The following CELSR1 variants were observed in gnomAD, a reference collection of about 807,000 sequenced individuals.
The protein encoded by CELSR1 is adhesion G protein-coupled receptor C1.
In CELSR1, 110 loss-of-function variants were observed where a neutral mutation model predicts 249.1. That is an observed-to-expected ratio of 0.44 (90% confidence interval 0.38 to 0.52). CELSR1 has a LOEUF of 0.52. CELSR1 is among the 20% of genes least tolerant of loss of function. The pLI, the probability that CELSR1 is intolerant of heterozygous loss-of-function variation, is 0.00. For synonymous variants in CELSR1, 2,113 were observed against 1,900.0 expected, an observed-to-expected ratio of 1.11 and a Z score of -2.92; for missense variants, 4,109 against 4,296.4, an observed-to-expected ratio of 0.96 and a Z score of 1.22.
chr22:46,391,056 A>C lies in CELSR1; in HGVS notation c.6250+130T>G, dbSNP rs141891182. ...TTCCTGGTAGGGAAAAGGCGATCGG[A>C]TTTCTCCCCAGCACTTTGCCTGCGG... On this transcript the variant is annotated intron_variant, in intron 16 of 34. Coordinates refer to ENST00000674500, the MANE Select transcript of CELSR1 (RefSeq NM_001378328.1). This position sits in a 1 kb window ranked among gnomAD's most constrained non-coding sequence, Gnocchi z 4.3. 262 of 723,148 alleles carry C rather than the reference A, an allele frequency of 3.6e-4. 2 individuals are homozygous for C. The African/African-American group carries it at 4.2e-3, about 12-fold the overall frequency. The allele number at this position is 723,148 out of a possible 1,614,324, so 44.8% of individuals were successfully genotyped here.
At chr22:46,481,394 C>A (rs116231178) in intron 1 of CELSR1, 13 of 1,122,702 alleles carry the variant, frequency 1.2e-5, no homozygotes, top group Middle Eastern at 4.0e-4. Flanking sequence ...TGCATGTGGT[C>A]ATCCACACAC....
intron 2 of CELSR1, among the ~76,000 whole-genome samples, chr22:46,456,661 TAAAAAAAA>T (rs556357746): frequency 1.1e-3 from 68 of 60,278 alleles, no homozygotes; most frequent in African/African-American, 3.3e-3. Flanking sequence ...AGACTCTGTC[TAAAAAAAA>T]AAAAAAAAAA....
At chr22:46,375,873 C>A (rs2147201004) in intron 24 of CELSR1, among the ~76,000 whole-genome samples, 1 of 152,308 alleles carries the variant, frequency 6.6e-6, no homozygotes, top group Non-Finnish European at 1.5e-5. Flanking sequence ...TGCCTGTAGA[C>A]TATTTTAGAT....
rs889660324 is a variant in CELSR1, at chr22:46,427,468, C to G, written c.4611+5925G>C. 6.6e-6 allele frequency among the ~76,000 whole-genome samples: 1 copy of G among 152,194 alleles called. No homozygotes were observed. Among genetic ancestry groups the G allele is most frequent in the African/African-American group, 2.4e-5 (1 of 41,434 alleles). ...AGGAGAATTGCTTGAACCTGGGAGG[C>G]AGAGGTTGCAGTGAGCCAAGACAGC... On this transcript the variant is annotated intron_variant, in intron 5 of 34. Coordinates refer to ENST00000674500, the MANE Select transcript of CELSR1 (RefSeq NM_001378328.1). This position sits in a 1 kb window ranked among gnomAD's most constrained non-coding sequence, Gnocchi z 4.2.
Position 46,447,519 on chromosome 22 carries a change from A to G in CELSR1, c.4184-8108T>C, listed in dbSNP as rs1286646892. Among the ~76,000 whole-genome samples, 2 of 152,176 alleles carry G rather than the reference A, an allele frequency of 1.3e-5. No homozygotes were observed. The highest frequency in any genetic ancestry group is 3.9e-4 in the East Asian group (2 of 5,180). ...CAGCCTCGCCTCCCACACCAAGGAT[A>G]GAGTCCACCTGGGCAAACCTATTGC... On this transcript the variant is annotated intron_variant, in intron 2 of 34. Coordinates refer to ENST00000674500, the MANE Select transcript of CELSR1 (RefSeq NM_001378328.1). This position sits in a 1 kb window ranked among gnomAD's most constrained non-coding sequence, Gnocchi z 4.7.
Position 46,391,389 on chromosome 22 carries a change from TC to T in CELSR1, c.6149-103del. ...TGCGCCTCCCTGCAGGAGGCCCTGCTCCCACCAAGAACCGAACCCTAGCATC... is the reference window on the plus strand; with the variant it reads ...TGCGCCTCCCTGCAGGAGGCCCTGCTCCACCAAGAACCGAACCCTAGCATC... On this transcript the variant is annotated intron_variant, in intron 15 of 34. Transcript: ENST00000674500. This position sits in a 1 kb window ranked among gnomAD's most constrained non-coding sequence, Gnocchi z 4.3. 9.2e-7 allele frequency: 1 copy of T among 1,091,694 alleles called. No individual in the cohort carries two copies. Among genetic ancestry groups the T allele is most frequent in the Non-Finnish European group, 1.3e-6 (1 of 759,396 alleles). 67.6% of individuals were successfully genotyped at this position (1,091,694 alleles called of 1,614,324 possible).
chr22:46,472,337 G>A lies in CELSR1; in HGVS notation c.3545-7992C>T, dbSNP rs1216446591. On this transcript the variant is annotated intron_variant, in intron 1 of 34. Transcript: ENST00000674500. The surrounding 1 kb of genome is among the most constrained non-coding windows in gnomAD (Gnocchi z 7.0). ...GTTATCTGCAATTGTGTTCCCCATG[G>A]TGGGCTCATGCTGTGGGGCAGTGGG... Among the ~76,000 whole-genome samples the A allele has an allele frequency of 6.6e-6, 1 of 152,196 alleles. No homozygotes were observed. The highest frequency in any genetic ancestry group is 2.4e-5 in the African/African-American group (1 of 41,458).
chr22:46,469,864 C>G (rs1356536470), intron 1 of CELSR1, among the ~76,000 whole-genome samples: 1 of 138,096 alleles, frequency 7.2e-6, no homozygotes, highest in South Asian at 2.5e-4. Context: ...CCCCATGAGT[C>G]CCTGAGGACC....
chr22:46,482,947 G>A (rs1328019678), intron 1 of CELSR1, among the ~76,000 whole-genome samples: 1 of 152,186 alleles, frequency 6.6e-6, no homozygotes, highest in Non-Finnish European at 1.5e-5. Context: ...AGGTCCACAC[G>A]CACACACAAC....
In CELSR1 at chr22:46,437,837, AAAG is replaced by A. The variant is rs887321287; in HGVS notation, c.4406+1349_4406+1351del. Among the ~76,000 whole-genome samples the A allele has an allele frequency of 3.3e-5, 5 of 152,178 alleles. No homozygotes were observed. The highest frequency in any genetic ancestry group is 9.7e-5 in the African/African-American group (4 of 41,444). ...GCAAGCAAGAAATGACGACAAACAC[AAAG>A]AAGAATACCCACACAGCACACTGAT... On this transcript the variant is annotated intron_variant, in intron 3 of 34. Coordinates refer to ENST00000674500, the MANE Select transcript of CELSR1 (RefSeq NM_001378328.1). The surrounding 1 kb of genome is among the most constrained non-coding windows in gnomAD (Gnocchi z 4.9).
At position 46,533,807 on chromosome 22, in the gene CELSR1, C is replaced by T. The variant is rs200363699; in HGVS notation, c.3364G>A (p.Gly1122Ser). 12 of 1,613,776 alleles carry T rather than the reference C, an allele frequency of 7.4e-6. No homozygotes were observed. Among genetic ancestry groups the T allele is most frequent in the Middle Eastern group, 1.6e-4 (1 of 6,062 alleles). ...TGGGCCGGGATGCAGCCGATCACGC[C>T]GGTGGGGAAACTGTTGGACTTGTTG... ...VTNKSNSFPT[G>S]VIGCIPAHDP... The change falls in exon 1 of 35, where the codon GGC (glycine) becomes AGC (serine). Residue 1122 changes from glycine (G) to serine (S), a missense_variant. Physicochemically the swap from Gly to Ser is moderately conservative, Grantham distance 56. Around this residue, in one of 7 missense-constraint regions of CELSR1, gnomAD observed 886 missense variants for 896.5 expected, o/e 0.99. Transcript: ENST00000674500.
chr22:46,367,314 A>T (rs1489278914), intron 28 of CELSR1, among the ~76,000 whole-genome samples, 196 bp from the exon 29 acceptor site: 1 of 152,196 alleles, frequency 6.6e-6, no homozygotes, highest in African/African-American at 2.4e-5. Context: ...AGAAACTGAG[A>T]TGCCTGGGCC....
At chr22:46,388,318 C>T (rs1160816263) in intron 18 of CELSR1, among the ~76,000 whole-genome samples, 2 of 151,838 alleles carry the variant, frequency 1.3e-5, no homozygotes, top group Non-Finnish European at 2.9e-5. Context: ...CACTGCACTC[C>T]AGCCTGGACA....
intron 1 of CELSR1, among the ~76,000 whole-genome samples, chr22:46,477,177 T>C (rs1030473987): frequency 2.0e-5 from 3 of 152,098 alleles, no homozygotes; most frequent in African/African-American, 7.2e-5. Context: ...TCCCCCACCT[T>C]AAAGATGCTG....
chr22:46,480,293 C>A (rs958689693), intron 1 of CELSR1, among the ~76,000 whole-genome samples: 5 of 152,178 alleles, frequency 3.3e-5, no homozygotes, highest in African/African-American at 9.7e-5. Flanking sequence ...ATGTCTCCCC[C>A]TCACCTCCCA....
intron 1 of CELSR1, among the ~76,000 whole-genome samples, chr22:46,470,112 T>G (rs2080140985): frequency 6.8e-6 from 1 of 146,614 alleles, no homozygotes; most frequent in Non-Finnish European, 1.5e-5. Flanking sequence ...TTTGTGCCTG[T>G]TTGACTTTTT....
chr22:46,389,079 C>A (rs1175287107), intron 18 of CELSR1, among the ~76,000 whole-genome samples: 4 of 152,368 alleles, frequency 2.6e-5, no homozygotes, highest in Admixed American at 6.5e-5. Flanking sequence ...CTGTGACCTG[C>A]ATGTTTCCTT....
intron 1 of CELSR1, among the ~76,000 whole-genome samples, chr22:46,487,532 G>C (rs1300817927): frequency 9.7e-6 from 1 of 102,880 alleles, no homozygotes; most frequent in Non-Finnish European, 1.9e-5. Context: ...TGAGCCCCAC[G>C]GGGGAGGGGA....
chr22:46,408,912 GTGTGCACCA>G lies in CELSR1; in HGVS notation c.5226+75_5226+83del. ...GGAAGGGCGAGTAGCAGGTGCCCGAGTGTGCACCAGGAAGCCCAGCGCCTGGGTCCCTCC... is the reference window on the plus strand; with the variant it reads ...GGAAGGGCGAGTAGCAGGTGCCCGAGGGAAGCCCAGCGCCTGGGTCCCTCC... On this transcript the variant is annotated intron_variant, in intron 9 of 34. Transcript: ENST00000674500. This position sits in a 1 kb window ranked among gnomAD's most constrained non-coding sequence, Gnocchi z 4.6. The G allele has an allele frequency of 8.7e-7, 1 of 1,155,632 alleles. No individual in the cohort carries two copies. The highest frequency in any genetic ancestry group is 1.6e-5 in the African/African-American group (1 of 63,374). 71.6% of individuals were successfully genotyped at this position (1,155,632 alleles called of 1,614,324 possible). A position where few individuals can be genotyped will look rare whatever the true frequency, so the allele number is the denominator to read the frequency against.
Sources: allele counts gnomAD v4.1 joint callset (sites outside exome capture counted in the v4.1 genomes callset), GRCh38; gene constraint gnomAD v4.1.1; regional missense constraint gnomAD v4.1.1; non-coding constraint Gnocchi (gnomAD v3.1); transcripts MANE v1.5; gene names NCBI Gene and HGNC (gene_info 2026-07-23, HGNC 2026-07-21).